The following BICRAL variants were observed in gnomAD, a reference collection of about 807,000 sequenced individuals.
BICRAL encodes BICRA like chromatin remodeling complex associated protein.
A neutral mutation model predicts 91.8 loss-of-function variants in BICRAL; 8 were observed. The ratio of observed to expected loss-of-function variants is 0.09; its 90% CI spans 0.05 to 0.16. The LOEUF is 0.16. Ranked by LOEUF, BICRAL falls within the 10% of genes least tolerant of loss-of-function variation. BICRAL has a pLI of 1.00. For synonymous variants in BICRAL, 445 were observed against 491.1 expected (o/e 0.91, Z 1.24); for missense variants, 1,038 against 1,310.9 (o/e 0.79, Z 3.21).
chr6:42,861,985 C>T (rs1039345365), intron 11 of BICRAL, among the ~76,000 whole-genome samples: 1 of 151,736 alleles, frequency 6.6e-6, no homozygotes, highest in African/African-American at 2.4e-5. Context: ...GGCGACAGAG[C>T]GAGACTCTGT....
At chr6:42,783,534 G>A (rs1763002588) in intron 1 of BICRAL, among the ~76,000 whole-genome samples, 1 of 152,098 alleles carries the variant, frequency 6.6e-6, no homozygotes, top group Non-Finnish European at 1.5e-5. Context: ...CGGCGCGGGC[G>A]GCGCCCTCCG....
intron 1 of BICRAL, among the ~76,000 whole-genome samples, chr6:42,791,602 A>G (rs1194002854): frequency 6.6e-6 from 1 of 152,190 alleles, no homozygotes; most frequent in Non-Finnish European, 1.5e-5. Context: ...ACCTTGTTTG[A>G]GACCCTGATG....
At chr6:42,819,291 A>T (rs1463784191) in intron 2 of BICRAL, among the ~76,000 whole-genome samples, 2 of 151,886 alleles carry the variant, frequency 1.3e-5, no homozygotes, top group Middle Eastern at 3.4e-3. Flanking sequence ...TTTTATTTTT[A>T]ATTTTATTTT....
chr6:42,761,933 G>A (rs747074094), intron 1 of BICRAL, among the ~76,000 whole-genome samples: 15 of 151,854 alleles, frequency 9.9e-5, no homozygotes, highest in Non-Finnish European at 1.6e-4. Context: ...AAAGAAATAC[G>A]TACTTCTTTC....
At chr6:42,779,223 AACACACACACACACAC>A (rs57493144), upstream of BICRAL, among the ~76,000 whole-genome samples, 457 of 132,522 alleles carry the variant, frequency 3.4e-3, no homozygotes, top group African/African-American at 0.01. Context: ...TCTCAAGAAA[AACACACACACACACAC>A]ACACACACAC....
chr6:42,823,039 T>C, intron 5 of BICRAL, 36 bp downstream of exon 5: 1 of 1,285,626 alleles, frequency 7.8e-7, no homozygotes, highest in Non-Finnish European at 1.1e-6. Flanking sequence ...GATTGAATGG[T>C]TTCTGTCTGA....
chr6:42,783,647 C>T (rs559498472), intron 1 of BICRAL, among the ~76,000 whole-genome samples: 30 of 152,298 alleles, frequency 2.0e-4, no homozygotes, highest in African/African-American at 7.0e-4. Flanking sequence ...CGGCCTTCTC[C>T]TTCCCCACGC....
chr6:42,858,885 C>CT (rs761820282), intron 10 of BICRAL, among the ~76,000 whole-genome samples: 62 of 152,088 alleles, frequency 4.1e-4, no homozygotes, highest in Non-Finnish European at 7.9e-4. Flanking sequence ...AGAACTCCTT[C>CT]TGTCCTGATG....
In BICRAL at chr6:42,770,409, A is replaced by T. The variant is rs1281819481; in HGVS notation, c.-260-11430A>T. 1.2e-3 allele frequency among the ~76,000 whole-genome samples: 140 copies of T among 119,600 alleles called. 1 individual carries two copies. The highest frequency in any genetic ancestry group is 1.2e-3 in the Non-Finnish European group (72 of 59,626). 78.5% of individuals were successfully genotyped at this position (119,600 alleles called of 152,430 possible). A position where few individuals can be genotyped will look rare whatever the true frequency, so the allele number is the denominator to read the frequency against. On this transcript the variant is annotated intron_variant, in intron 1 of 14. Coordinates refer to the BICRAL transcript ENST00000614467. ...ATGCCCGGCTAATTTTATTATTATT[A>T]TTATTTTTTTTTTTTTTTTTTTGAG...
chr6:42,766,150 G>A (rs892516182), intron 1 of BICRAL, among the ~76,000 whole-genome samples: 4 of 152,026 alleles, frequency 2.6e-5, no homozygotes, highest in Middle Eastern at 3.2e-3. Context: ...CCAGCCTTCC[G>A]GTACTTTTTC....
At chr6:42,849,540 C>T (rs550751759) in intron 6 of BICRAL, among the ~76,000 whole-genome samples, 5 of 151,368 alleles carry the variant, frequency 3.3e-5, no homozygotes, top group South Asian at 4.2e-4. Flanking sequence ...CCCAGGTTCA[C>T]GCCATTCTCC....
intron 6 of BICRAL, among the ~76,000 whole-genome samples, chr6:42,834,333 T>A (rs909931516): frequency 6.6e-6 from 1 of 152,192 alleles, no homozygotes; most frequent in Non-Finnish European, 1.5e-5. Flanking sequence ...GTTTCTCCAC[T>A]GTTTTTCCTT....
upstream of BICRAL, chr6:42,746,833 A>C (rs939323802): frequency 5.9e-5 from 9 of 151,790 alleles, no homozygotes; most frequent in African/African-American, 2.2e-4. Context: ...TGGGTTCCTC[A>C]CTGCAACCTG....
chr6:42,839,978 G>T (rs975944206), intron 6 of BICRAL, among the ~76,000 whole-genome samples: 12 of 152,128 alleles, frequency 7.9e-5, no homozygotes, highest in African/African-American at 2.9e-4. Flanking sequence ...ACACTTTCTT[G>T]TAAGTGGATT....
chr6:42,786,849 T>C (rs1232956543), intron 1 of BICRAL, among the ~76,000 whole-genome samples: 3 of 152,178 alleles, frequency 2.0e-5, no homozygotes, highest in Admixed American at 1.3e-4. Flanking sequence ...AGAAGGCTCC[T>C]CTGAGCAAGG....
At chr6:42,800,190 G>A (rs1313992888) in intron 1 of BICRAL, among the ~76,000 whole-genome samples, 2 of 152,076 alleles carry the variant, frequency 1.3e-5, no homozygotes, top group African/African-American at 4.8e-5. Flanking sequence ...TCATCCTTCC[G>A]AGTAGCTGGG....
At chr6:42,807,376 G>C (rs1333672143) in intron 1 of BICRAL, among the ~76,000 whole-genome samples, 1 of 151,022 alleles carries the variant, frequency 6.6e-6, no homozygotes, top group African/African-American at 2.4e-5. Context: ...GTAGAGATGG[G>C]GTTTCACCAT....
At chr6:42,842,753 T>A (rs1256257672) in intron 6 of BICRAL, among the ~76,000 whole-genome samples, 7 of 152,246 alleles carry the variant, frequency 4.6e-5, no homozygotes, top group Non-Finnish European at 1.5e-5. Flanking sequence ...TTTTCTACAT[T>A]GATTCATTCA....
chr6:42,796,766 G>T (rs992632145), intron 1 of BICRAL, among the ~76,000 whole-genome samples: 2 of 151,942 alleles, frequency 1.3e-5, no homozygotes, highest in Non-Finnish European at 2.9e-5. Flanking sequence ...ATGAGCTGTC[G>T]GCCGGGTGCA....
Sources: allele counts gnomAD v4.1 joint callset (sites outside exome capture counted in the v4.1 genomes callset), GRCh38; gene constraint gnomAD v4.1.1; transcripts MANE v1.5; gene names NCBI Gene and HGNC (gene_info 2026-07-23, HGNC 2026-07-21).